SGTA: variants seen among roughly 807,000 people sequenced by gnomAD.
SGTA encodes small glutamine-rich tetratricopeptide repeat-containing protein alpha.
In SGTA, 22 loss-of-function variants were observed where a neutral mutation model predicts 44.3. The observed-to-expected ratio is 0.50, with a 90% CI of 0.36 to 0.71. The LOEUF (loss-of-function observed/expected upper bound fraction) is 0.71, where lower values mean the gene tolerates loss of function less well. Among genes scored for constraint, SGTA ranks in the 30% least tolerant of loss-of-function variants. SGTA has a pLI of 0.00. For missense variants in SGTA, 341 were observed against 435.9 expected (o/e 0.78, Z 1.94); for synonymous variants, 174 against 177.6 (o/e 0.98, Z 0.16).
chr19:2,756,043 G>A (rs373768481), intron 11 of SGTA, 110 bp from the exon 12 acceptor site: 15 of 566,792 alleles, frequency 2.6e-5, no homozygotes, highest in South Asian at 7.6e-5. Flanking sequence ...GGGCCACAGC[G>A]GCTATTTCAA....
chr19:2,764,724 A>T, intron 5 of SGTA, among the ~76,000 whole-genome samples: 1 of 151,846 alleles, frequency 6.6e-6, no homozygotes, highest in Non-Finnish European at 1.5e-5. Context: ...CCACCACTAC[A>T]CCCGGCTAAT....
At chr19:2,757,312 C>A (rs754835470) in intron 11 of SGTA, 25 bp downstream of exon 11, 3 of 1,596,728 alleles carry the variant, frequency 1.9e-6, no homozygotes, top group South Asian at 1.1e-5. Context: ...TGGCCACCCC[C>A]CAGCCCCCGG....
rs1050263585 is a variant in SGTA at position 2,755,544 on chromosome 19, G to C, written c.*396C>G. 1 of 986,176 alleles carries C rather than the reference G, an allele frequency of 1.0e-6. No individual in the cohort carries two copies. Among genetic ancestry groups the C allele is most frequent in the Non-Finnish European group, 1.2e-6 (1 of 830,132 alleles). The allele number at this position is 986,176 out of a possible 1,614,324, so 61.1% of individuals were successfully genotyped here. ...GTTCCTGCAGACAGACCACGGGATG[G>C]GGGGCGGGGGCTGTAAAAGGCTTTG... On this transcript the variant is annotated 3_prime_UTR_variant, in exon 12 of 12. Coordinates refer to ENST00000221566, the MANE Select transcript of SGTA (RefSeq NM_003021.4). The surrounding 1 kb of genome is among the most constrained non-coding windows in gnomAD (Gnocchi z 5.2).
rs1265156116 is a variant in SGTA, at chr19:2,769,036, G to A, written c.33C>T (p.Ile11=). 1.9e-6 allele frequency: 3 copies of A among 1,614,034 alleles called. No homozygotes were observed. Among genetic ancestry groups the A allele is most frequent in the Non-Finnish European group, 2.5e-6 (3 of 1,179,958 alleles). MDNKKRLAYA[I]IQFLHDQLRH... ...GGAGCTGGTCATGCAGGAACTGGAT[G>A]ATGGCGTAGGCCAGGCGCTTCTTGT... Residue 11 remains isoleucine (I), a synonymous_variant, in exon 2 of 12, where the codon ATC becomes ATT. Transcript: ENST00000221566.
At chr19:2,766,085 A>G (rs575475895) in intron 4 of SGTA, among the ~76,000 whole-genome samples, 46 of 152,246 alleles carry the variant, frequency 3.0e-4, no homozygotes, top group African/African-American at 1.1e-3. Flanking sequence ...GCGTGGTGGT[A>G]GGCTTCTGTA....
chr19:2,767,491 A>G lies in SGTA; in HGVS notation c.207+89T>C. 1 of 1,092,194 alleles carries G rather than the reference A, an allele frequency of 9.2e-7. No individual in the cohort carries two copies. The allele number at this position is 1,092,194 out of a possible 1,614,324, so 67.7% of individuals were successfully genotyped here. On this transcript the variant is annotated intron_variant, in intron 3 of 11. Transcript: ENST00000221566. This position sits in a 1 kb window ranked among gnomAD's most constrained non-coding sequence, Gnocchi z 7.3. Reference sequence around the variant, plus strand: ...GATGCAGGCAGAGTGCTGGGGGACGATGAGAGCGGGGCTCCTGGGGTCCCC... The same window carrying G: ...GATGCAGGCAGAGTGCTGGGGGACGGTGAGAGCGGGGCTCCTGGGGTCCCC...
chr19:2,757,851 G>A, intron 9 of SGTA, 69 bp from the exon 10 acceptor site: 1 of 1,065,784 alleles, frequency 9.4e-7, no homozygotes, highest in Non-Finnish European at 1.3e-6. Flanking sequence ...GGCCCTCGCA[G>A]TGGCCCGGGA....
At chr19:2,758,516 C>CAA (rs11400903) in intron 9 of SGTA, among the ~76,000 whole-genome samples, 2,453 of 135,398 alleles carry the variant, frequency 0.018, 65 homozygotes, top group African/African-American at 0.056. Context: ...GATTCTGTCT[C>CAA]AAAAAAAAAA....
Position 2,765,424 on chromosome 19 carries a change from A to T in SGTA, c.293-139T>A. 1.6e-6 allele frequency: 1 copy of T among 645,154 alleles called. No individual in the cohort carries two copies. The highest frequency in any genetic ancestry group is 2.4e-5 in the Admixed American group (1 of 41,266). The allele number at this position is 645,154 out of a possible 1,614,324, so 40.0% of individuals were successfully genotyped here. On this transcript the variant is annotated intron_variant, in intron 4 of 11. Transcript: ENST00000221566. The surrounding 1 kb of genome is among the most constrained non-coding windows in gnomAD (Gnocchi z 5.5). ...TGGCTCTTCTGGGCAGCCAGGACTC[A>T]ACACAGATGCCGGCTCAGGAGGCAT...
chr19:2,758,174 G>A (rs1458046143), intron 9 of SGTA, among the ~76,000 whole-genome samples: 1 of 152,178 alleles, frequency 6.6e-6, no homozygotes, highest in African/African-American at 2.4e-5. Context: ...GGACGGCCCT[G>A]CTCCAGAAAC....
Position 2,763,799 on chromosome 19 carries a change from T to C in SGTA, c.393-42A>G. ...AGGGCAGGTCCCTCACTGGCGGCTCTGAGCCCAGCGGGCAGCCCTTGAGGG... is the reference window on the plus strand; with the variant it reads ...AGGGCAGGTCCCTCACTGGCGGCTCCGAGCCCAGCGGGCAGCCCTTGAGGG... On this transcript the variant is annotated intron_variant, in intron 5 of 11. Transcript: ENST00000221566. This position sits in a 1 kb window ranked among gnomAD's most constrained non-coding sequence, Gnocchi z 5.8. The C allele has an allele frequency of 1.9e-6, 3 of 1,556,436 alleles. No individual in the cohort carries two copies. Among genetic ancestry groups the C allele is most frequent in the Middle Eastern group, 1.8e-4 (1 of 5,430 alleles).
At chr19:2,775,452 C>T (rs186112252) in intron 1 of SGTA, among the ~76,000 whole-genome samples, 14 of 152,378 alleles carry the variant, frequency 9.2e-5, no homozygotes, top group African/African-American at 2.4e-4. Context: ...TGGACCTCCA[C>T]GCCACTAAAC....
intron 1 of SGTA, among the ~76,000 whole-genome samples, chr19:2,781,845 T>A (rs1599511742): frequency 6.7e-6 from 1 of 150,072 alleles, no homozygotes; most frequent in South Asian, 2.1e-4. Context: ...TAGGGTAGAT[T>A]TTTTTTTTTT....
Position 2,755,782 on chromosome 19 carries a change from G to A in SGTA, c.*158C>T, listed in dbSNP as rs1261244890. On this transcript the variant is annotated 3_prime_UTR_variant, in exon 12 of 12. Transcript: ENST00000221566. This position sits in a 1 kb window ranked among gnomAD's most constrained non-coding sequence, Gnocchi z 5.2. The stretch of plus-strand genomic sequence containing the variant: ...GGAGTTACAAAAAGGGAGTGGAGGA[G>A]GGCAGAGATAAAAGGGGAAAATCCA... 4.1e-6 allele frequency: 4 copies of A among 985,490 alleles called. No individual in the cohort carries two copies. The highest frequency in any genetic ancestry group is 1.2e-4 in the Admixed American group (2 of 16,264). The allele number at this position is 985,490 out of a possible 1,614,324, so 61.0% of individuals were successfully genotyped here.
intron 1 of SGTA, among the ~76,000 whole-genome samples, chr19:2,769,590 G>A (rs1355685375): frequency 6.6e-6 from 1 of 151,868 alleles, no homozygotes; most frequent in Non-Finnish European, 1.5e-5. Context: ...TTTGTGGCAT[G>A]TCAGCAAGCA....
Position 2,761,360 on chromosome 19 carries a change from G to A in SGTA, c.699+100C>T, listed in dbSNP as rs3745814. On this transcript the variant is annotated intron_variant, in intron 8 of 11. Transcript: ENST00000221566. The surrounding 1 kb of genome is among the most constrained non-coding windows in gnomAD (Gnocchi z 5.7). ...ACCCATCTGGTTCCAGAAGCCAGCAGTGCCAAGGCAAGGAAGCCCTGGCCA... is the reference window on the plus strand; with the variant it reads ...ACCCATCTGGTTCCAGAAGCCAGCAATGCCAAGGCAAGGAAGCCCTGGCCA... The A allele has an allele frequency of 0.22, 248,185 of 1,126,716 alleles. 30,084 individuals are homozygous for A. The highest frequency in any genetic ancestry group is 0.48 in the East Asian group (18,585 of 38,794). 69.8% of individuals were successfully genotyped at this position (1,126,716 alleles called of 1,614,324 possible). A position where few individuals can be genotyped will look rare whatever the true frequency, so the allele number is the denominator to read the frequency against.
At position 2,768,409 on chromosome 19, in the gene SGTA, G is replaced by A. The variant is rs1010655240; in HGVS notation, c.100+560C>T. On this transcript the variant is annotated intron_variant, in intron 2 of 11. Transcript: ENST00000221566. ...TGGCAGGCCCAGGACACAGGTGAGC[G>A]AGGCATAGGTGGGGAAGGAGGACCT... Among the ~76,000 whole-genome samples, 7 of 152,194 alleles carry A rather than the reference G, an allele frequency of 4.6e-5. No individual in the cohort carries two copies. The South Asian group carries it at 6.2e-4, about 13-fold the overall frequency.
At position 2,767,563 on chromosome 19, in the gene SGTA, G is replaced by C. The variant is rs776119113; in HGVS notation, c.207+17C>G. ...TCTTATTTTGGGGGCAGTGGCTGGG[G>C]AAGCATCGAGGCTCACCTTGCCCGT... On this transcript the variant is annotated intron_variant, in intron 3 of 11. Coordinates refer to ENST00000221566, the MANE Select transcript of SGTA (RefSeq NM_003021.4). This position sits in a 1 kb window ranked among gnomAD's most constrained non-coding sequence, Gnocchi z 7.3. The C allele has an allele frequency of 1.2e-6, 2 of 1,600,466 alleles. No individual in the cohort carries two copies. Among genetic ancestry groups the C allele is most frequent in the South Asian group, 2.2e-5 (2 of 90,778 alleles).
intron 7 of SGTA, among the ~76,000 whole-genome samples, 164 bp downstream of exon 7, chr19:2,762,342 C>T (rs975004984): frequency 3.3e-5 from 5 of 152,190 alleles, no homozygotes; most frequent in East Asian, 1.9e-4. Context: ...AACCTTCTCA[C>T]GACACTCACT....
Sources: allele counts gnomAD v4.1 joint callset (sites outside exome capture counted in the v4.1 genomes callset), GRCh38; gene constraint gnomAD v4.1.1; non-coding constraint Gnocchi (gnomAD v3.1); transcripts MANE v1.5; gene names NCBI Gene and HGNC (gene_info 2026-07-23, HGNC 2026-07-21).